The following PTPN5 variants were observed in gnomAD, a reference collection of about 807,000 sequenced individuals.
PTPN5 encodes tyrosine-protein phosphatase non-receptor type 5.
In PTPN5, 29 loss-of-function variants were observed where a neutral mutation model predicts 73.9. The observed-to-expected ratio is 0.39, with a 90% CI of 0.29 to 0.54. The LOEUF is 0.54. Ranked by LOEUF, PTPN5 falls within the 20% of genes least tolerant of loss-of-function variation. The probability of loss-of-function intolerance (pLI) is 0.65; values close to 1 mark genes in which losing one functional copy is unlikely to be tolerated. For synonymous variants in PTPN5, 267 were observed against 304.7 expected (o/e 0.88, Z 1.29); for missense variants, 652 against 751.4 (o/e 0.87, Z 1.55).
At chr11:18,743,592 G>A in intron 4 of PTPN5, 163 bp from the exon 5 acceptor site, 1 of 647,378 alleles carries the variant, frequency 1.5e-6, no homozygotes, top group South Asian at 1.9e-5. Flanking sequence ...TGCGTGCCCG[G>A]GGAGGCCTCA....
chr11:18,731,825 C>A (rs1169086101), intron 12 of PTPN5, among the ~76,000 whole-genome samples: 1 of 152,214 alleles, frequency 6.6e-6, no homozygotes, highest in African/African-American at 2.4e-5. Flanking sequence ...CATCAATGAA[C>A]TTCCTTGGCT....
chr11:18,749,494 G>GGGGGGAGGGGGGGGGC (rs756336602), intron 3 of PTPN5: 1 of 510,592 alleles, frequency 2.0e-6, no homozygotes, highest in Admixed American at 2.0e-5. Context: ...AGGGTGGGGG[G>GGGGGGAGGGGGGGGGC]CAGAACCTTG....
intron 3 of PTPN5, among the ~76,000 whole-genome samples, chr11:18,759,168 A>G (rs1051425201): frequency 2.0e-5 from 3 of 152,328 alleles, no homozygotes; most frequent in Non-Finnish European, 2.9e-5. Flanking sequence ...AAGAAAAAAC[A>G]CAAAGGAAAA....
chr11:18,737,824 G>A, intron 9 of PTPN5, 56 bp downstream of exon 9: 1 of 1,475,484 alleles, frequency 6.8e-7, no homozygotes, highest in East Asian at 2.3e-5. Context: ...CAGGGTGAGG[G>A]GATCCCCAGG....
chr11:18,729,577 A>G lies in PTPN5; in HGVS notation c.1491-11T>C, dbSNP rs780304141. The G allele has an allele frequency of 1.5e-5, 24 of 1,574,594 alleles. No individual in the cohort carries two copies. The highest frequency in any genetic ancestry group is 1.9e-5 in the Non-Finnish European group (22 of 1,156,388). ...CTCCCAATCCCTGCACTGAGGGCCGAGGGGACCGGTGGGGTGAGGGGCAGG... is the reference window on the plus strand; with the variant it reads ...CTCCCAATCCCTGCACTGAGGGCCGGGGGGACCGGTGGGGTGAGGGGCAGG... On this transcript the variant is annotated splice_polypyrimidine_tract_variant and intron_variant, in intron 13 of 14. Coordinates refer to ENST00000358540, the MANE Select transcript of PTPN5 (RefSeq NM_006906.2). This position sits in a 1 kb window ranked among gnomAD's most constrained non-coding sequence, Gnocchi z 5.2.
rs1850929314 is a variant in PTPN5 at position 18,772,085 on chromosome 11, G to A, written c.-113-14C>T. On this transcript the variant is annotated splice_polypyrimidine_tract_variant and intron_variant, in intron 1 of 14. Coordinates refer to ENST00000358540, the MANE Select transcript of PTPN5 (RefSeq NM_006906.2). ...CAGATCATCCAGCTGGGAAAACGGGGCAAAGAGAGATTAAGTGACTAGTCT... is the reference window on the plus strand; with the variant it reads ...CAGATCATCCAGCTGGGAAAACGGGACAAAGAGAGATTAAGTGACTAGTCT... 9.0e-6 allele frequency: 6 copies of A among 668,446 alleles called. No homozygotes were observed. The highest frequency in any genetic ancestry group is 1.5e-5 in the Non-Finnish European group (6 of 403,672). The allele number at this position is 668,446 out of a possible 1,614,324, so 41.4% of individuals were successfully genotyped here.
chr11:18,780,214 G>A (rs1019846836), intron 1 of PTPN5, among the ~76,000 whole-genome samples: 11 of 152,210 alleles, frequency 7.2e-5, no homozygotes, highest in Admixed American at 5.9e-4. Context: ...GGTCTTCCCA[G>A]CAGAACCTCC....
Position 18,791,516 on chromosome 11 carries a change from C to A in PTPN5, c.-114+9G>T, listed in dbSNP as rs527927835. 1 of 152,488 alleles carries A rather than the reference C, an allele frequency of 6.6e-6. No homozygotes were observed. Among genetic ancestry groups the A allele is most frequent in the East Asian group, 1.9e-4 (1 of 5,148 alleles). The allele number at this position is 152,488 out of a possible 1,614,324, so 9.4% of individuals were successfully genotyped here. A position where few individuals can be genotyped will look rare whatever the true frequency, so the allele number is the denominator to read the frequency against. On this transcript the variant is annotated intron_variant, in intron 1 of 14. Coordinates refer to ENST00000358540, the MANE Select transcript of PTPN5 (RefSeq NM_006906.2). ...CACACAAAGGCGCAGACGGAGGCGC[C>A]GCACTTACCGGCCAGAGCGGGCTCC...
intron 3 of PTPN5, among the ~76,000 whole-genome samples, chr11:18,752,640 T>C (rs537769029): frequency 1.3e-5 from 2 of 152,384 alleles, no homozygotes; most frequent in African/African-American, 4.8e-5. Flanking sequence ...CTATCTGAAA[T>C]TGCAAACAGC....
intron 2 of PTPN5, among the ~76,000 whole-genome samples, chr11:18,767,168 GCCC>G (rs1184769449): frequency 6.6e-6 from 1 of 152,172 alleles, no homozygotes; most frequent in Non-Finnish European, 1.5e-5. Flanking sequence ...CTGCTTCTCT[GCCC>G]CCAAGTCCTG....
chr11:18,729,069 G>A lies in PTPN5; in HGVS notation c.1605-42C>T, dbSNP rs1848752125. ...CACAGTGGGGGCAGGGTCGTGGAGG[G>A]ATGGGCTGTGGGAGGTGCCCCAAAA... On this transcript the variant is annotated intron_variant, in intron 14 of 14. Transcript: ENST00000358540. This position sits in a 1 kb window ranked among gnomAD's most constrained non-coding sequence, Gnocchi z 5.2. The A allele has an allele frequency of 1.9e-6, 3 of 1,599,194 alleles. No homozygotes were observed. Among genetic ancestry groups the A allele is most frequent in the Admixed American group, 3.5e-5 (2 of 57,952 alleles).
chr11:18,786,226 G>A (rs1336895584), intron 1 of PTPN5, among the ~76,000 whole-genome samples: 1 of 151,516 alleles, frequency 6.6e-6, no homozygotes, highest in African/African-American at 2.4e-5. Context: ...TCTTTGAGAC[G>A]GAGTCTCGCT....
chr11:18,756,235 G>A (rs1222736335), intron 3 of PTPN5, among the ~76,000 whole-genome samples: 1 of 150,714 alleles, frequency 6.6e-6, no homozygotes, highest in Non-Finnish European at 1.5e-5. Context: ...CTTATGTCTG[G>A]TTCAGACAGC....
At chr11:18,738,660 C>A (rs1397951805) in intron 8 of PTPN5, among the ~76,000 whole-genome samples, 1 of 152,122 alleles carries the variant, frequency 6.6e-6, no homozygotes, top group Non-Finnish European at 1.5e-5. Flanking sequence ...CCCATCTCTC[C>A]AAGTTGTTCC....
Position 18,749,489 on chromosome 11 carries a change from G to A in PTPN5, c.98-5290C>T, listed in dbSNP as rs78963944. ...CCTATGTCTGGGGTCGGGGGAGGGT[G>A]GGGGGCAGAACCTTGAACCTTAATC... On this transcript the variant is annotated intron_variant, in intron 3 of 14. Coordinates refer to ENST00000358540, the MANE Select transcript of PTPN5 (RefSeq NM_006906.2). The A allele has an allele frequency of 3.1e-4, 159 of 518,492 alleles. 1 individual carries two copies. Among genetic ancestry groups the A allele is most frequent in the South Asian group, 2.1e-3 (150 of 71,518 alleles). The allele number at this position is 518,492 out of a possible 1,614,324, so 32.1% of individuals were successfully genotyped here. A position where few individuals can be genotyped will look rare whatever the true frequency, so the allele number is the denominator to read the frequency against.
intron 2 of PTPN5, among the ~76,000 whole-genome samples, chr11:18,767,515 C>T (rs1167306660): frequency 6.6e-6 from 1 of 152,160 alleles, no homozygotes; most frequent in African/African-American, 2.4e-5. Context: ...ATTGCTGTGG[C>T]AATATTTTAA....
chr11:18,788,716 C>T (rs944678693), intron 1 of PTPN5, among the ~76,000 whole-genome samples: 3 of 152,162 alleles, frequency 2.0e-5, no homozygotes, highest in Non-Finnish European at 4.4e-5. Context: ...AAAGGACAGG[C>T]AATACGACAC....
chr11:18,790,908 T>C lies in PTPN5; in HGVS notation c.-114+617A>G, dbSNP rs568510212. Among the ~76,000 whole-genome samples the C allele has an allele frequency of 7.3e-4, 111 of 152,338 alleles. No homozygotes were observed. The South Asian group carries it at 9.3e-3, about 13-fold the overall frequency. ...TCCCAGGATTCGTCTGGCCCTGATC[T>C]TCTAAGCCCTGTGATCCTTGATAAG... On this transcript the variant is annotated intron_variant, in intron 1 of 14. Transcript: ENST00000358540.
intron 3 of PTPN5, among the ~76,000 whole-genome samples, chr11:18,760,424 C>A (rs1032523756): frequency 1.3e-5 from 2 of 152,170 alleles, no homozygotes; most frequent in African/African-American, 4.8e-5. Context: ...GAGACCTAGA[C>A]CTTGTCCTTG....
Sources: allele counts gnomAD v4.1 joint callset (sites outside exome capture counted in the v4.1 genomes callset), GRCh38; gene constraint gnomAD v4.1.1; non-coding constraint Gnocchi (gnomAD v3.1); transcripts MANE v1.5; gene names NCBI Gene and HGNC (gene_info 2026-07-23, HGNC 2026-07-21).